Variants in GPHN observed in about 807,000 individuals in gnomAD.
GPHN encodes gephyrin.
Under a neutral mutation model 95.5 loss-of-function variants are expected in GPHN, and 17 were observed. The observed-to-expected ratio is 0.18, with a 90% CI of 0.12 to 0.27. The LOEUF (loss-of-function observed/expected upper bound fraction) is 0.27, where lower values mean the gene tolerates loss of function less well. GPHN is among the 10% of genes least tolerant of loss of function. The probability of loss-of-function intolerance (pLI) is 1.00; values close to 1 mark genes in which losing one functional copy is unlikely to be tolerated. For synonymous variants in GPHN, 320 were observed against 322.5 expected, an observed-to-expected ratio of 0.99 and a Z score of 0.08; for missense variants, 660 against 978.1, an observed-to-expected ratio of 0.67 and a Z score of 4.34.
chr14:66,991,723 T>C (rs570148387), intron 9 of GPHN, among the ~76,000 whole-genome samples: 1 of 151,210 alleles, frequency 6.6e-6, no homozygotes, highest in South Asian at 2.1e-4. Context: ...ATACAAAAAA[T>C]TAGCCAGGCA....
rs182729249 is a variant in GPHN, at chr14:66,646,742, G to A, written c.65-34365G>A. On this transcript the variant is annotated intron_variant, in intron 1 of 22. Coordinates refer to ENST00000478722, the MANE Select transcript of GPHN (RefSeq NM_020806.5). ...GGGGTTCAGTGGAGTAGGAAATGGG[G>A]AGCTGTTGTTTAATGGGTATAGAGT... 1.3e-3 allele frequency among the ~76,000 whole-genome samples: 194 copies of A among 152,146 alleles called. 1 individual carries two copies. The highest frequency in any genetic ancestry group is 2.2e-3 in the Non-Finnish European group (152 of 67,996).
chr14:66,815,293 A>C (rs1363363407), intron 3 of GPHN, among the ~76,000 whole-genome samples: 1 of 152,222 alleles, frequency 6.6e-6, no homozygotes, highest in Non-Finnish European at 1.5e-5. Flanking sequence ...AGAGGCCAAC[A>C]TTCAAATTCA....
intron 4 of GPHN, among the ~76,000 whole-genome samples, chr14:66,850,971 G>T (rs2062557671): frequency 6.6e-6 from 1 of 151,822 alleles, no homozygotes; most frequent in South Asian, 2.1e-4. Flanking sequence ...ATCACATTTT[G>T]TTATAAGAAT....
rs923580513 is a variant in GPHN at position 66,682,610 on chromosome 14, C to T, written c.143+1425C>T. Among the ~76,000 whole-genome samples, 7 of 152,084 alleles carry T rather than the reference C, an allele frequency of 4.6e-5. 1 individual carries two copies. The highest frequency in any genetic ancestry group is 6.8e-3 in the Middle Eastern group (2 of 294). On this transcript the variant is annotated intron_variant, in intron 2 of 22. Coordinates refer to ENST00000478722, the MANE Select transcript of GPHN (RefSeq NM_020806.5). Reference sequence around the variant, plus strand: ...ACAAAAAATACAAAAATTAGCTAGGCGTGGTGGCATGTGCCTGTAGTCCCA... The same window carrying T: ...ACAAAAAATACAAAAATTAGCTAGGTGTGGTGGCATGTGCCTGTAGTCCCA...
At chr14:67,584,663 CCATTCATT>C in the GPHN span, among the ~76,000 whole-genome samples, 1 of 152,172 alleles carries the variant, frequency 6.6e-6, no homozygotes, top group African/African-American at 2.4e-5. Flanking sequence ...CGGAAAATGG[CCATTCATT>C]CATTCAACAA....
chr14:66,972,742 A>C (rs572401446), intron 9 of GPHN, among the ~76,000 whole-genome samples: 4 of 152,216 alleles, frequency 2.6e-5, no homozygotes, highest in East Asian at 3.9e-4. Context: ...ACTCATGTAA[A>C]TGTAAATATT....
intron 1 of GPHN, among the ~76,000 whole-genome samples, chr14:66,534,211 T>TAA (rs1328153930): frequency 6.6e-6 from 1 of 152,176 alleles, no homozygotes; most frequent in Non-Finnish European, 1.5e-5. Context: ...TACAAACTCT[T>TAA]ACAATTAACA....
intron 1 of GPHN, among the ~76,000 whole-genome samples, chr14:66,537,131 T>C (rs2059173043): frequency 6.6e-6 from 1 of 152,194 alleles, no homozygotes; most frequent in South Asian, 2.1e-4. Context: ...TATATTCTTG[T>C]ATTTACAGTA....
chr14:67,276,564 C>T, the GPHN span, among the ~76,000 whole-genome samples: 1 of 152,146 alleles, frequency 6.6e-6, no homozygotes, highest in African/African-American at 2.4e-5. Flanking sequence ...ATGTATTAGG[C>T]TAAGCACTGG....
At chr14:66,771,190 A>C (rs528297235) in intron 2 of GPHN, among the ~76,000 whole-genome samples, 1 of 152,216 alleles carries the variant, frequency 6.6e-6, no homozygotes, top group South Asian at 2.1e-4. Flanking sequence ...CTTTCTATTT[A>C]ACTCCCTCTA....
intron 1 of GPHN, among the ~76,000 whole-genome samples, chr14:66,601,887 T>C (rs1029813740): frequency 2.6e-5 from 4 of 151,976 alleles, no homozygotes; most frequent in African/African-American, 7.2e-5. Context: ...CTTAACTGCA[T>C]TGTAAAAACC....
At chr14:66,715,816 A>C (rs1303949766) in intron 2 of GPHN, among the ~76,000 whole-genome samples, 1 of 152,018 alleles carries the variant, frequency 6.6e-6, no homozygotes, top group African/African-American at 2.4e-5. Flanking sequence ...GTTGATTTCC[A>C]GTTTTATTCT....
chr14:66,911,127 G>A (rs555222514), intron 5 of GPHN, among the ~76,000 whole-genome samples: 1 of 152,046 alleles, frequency 6.6e-6, no homozygotes, highest in South Asian at 2.1e-4. Context: ...CCACATGGAT[G>A]AACCTTGAAA....
At chr14:67,579,299 C>T in the GPHN span, 60 of 1,534,610 alleles carry the variant, frequency 3.9e-5, no homozygotes, top group African/African-American at 1.4e-4. Flanking sequence ...ACTTTACCAA[C>T]GGGACTTACC....
At chr14:67,238,406 C>T in the GPHN span, among the ~76,000 whole-genome samples, 264 of 151,672 alleles carry the variant, frequency 1.7e-3, 6 homozygotes, top group East Asian at 8.2e-3. Flanking sequence ...GTAGCCAGGA[C>T]TACAGGAGCG....
chr14:67,610,586 A>G, the GPHN span, among the ~76,000 whole-genome samples: 1 of 152,176 alleles, frequency 6.6e-6, no homozygotes, highest in Non-Finnish European at 1.5e-5. Flanking sequence ...AACTACTCCT[A>G]TAGATGACCT....
intron 16 of GPHN, among the ~76,000 whole-genome samples, chr14:67,119,369 A>G (rs2078879794): frequency 6.6e-6 from 1 of 152,248 alleles, no homozygotes; most frequent in African/African-American, 2.4e-5. Flanking sequence ...AATGTAATGA[A>G]TGTCTAGAAT....
the GPHN span, among the ~76,000 whole-genome samples, chr14:67,679,821 G>A: frequency 6.6e-6 from 1 of 151,988 alleles, no homozygotes; most frequent in African/African-American, 2.4e-5. Context: ...TTCAGTCAAA[G>A]TTTTAAAAAA....
intron 2 of GPHN, among the ~76,000 whole-genome samples, chr14:66,729,876 C>G (rs774853597): frequency 5.3e-5 from 8 of 152,114 alleles, no homozygotes; most frequent in Non-Finnish European, 8.8e-5. Flanking sequence ...ACCATGGATA[C>G]TGGTAGAAAA....
Sources: allele counts gnomAD v4.1 joint callset (sites outside exome capture counted in the v4.1 genomes callset), GRCh38; gene constraint gnomAD v4.1.1; transcripts MANE v1.5; gene names NCBI Gene and HGNC (gene_info 2026-07-23, HGNC 2026-07-21).